PHF21A: variants seen among roughly 807,000 people sequenced by gnomAD.
The protein encoded by PHF21A is PHD finger protein 21A.
In PHF21A, 11 loss-of-function variants were observed where a neutral mutation model predicts 82.5. The observed-to-expected ratio is 0.13, with a 90% CI of 0.08 to 0.22. PHF21A has a LOEUF of 0.22. Ranked by LOEUF, PHF21A falls within the 10% of genes least tolerant of loss-of-function variation. PHF21A has a pLI of 1.00. For missense variants in PHF21A, 579 were observed against 837.8 expected, an observed-to-expected ratio of 0.69 and a Z score of 3.81; for synonymous variants, 297 against 302.8, an observed-to-expected ratio of 0.98 and a Z score of 0.20.
At chr11:46,010,517 G>A (rs965931080) in intron 6 of PHF21A, among the ~76,000 whole-genome samples, 2 of 152,122 alleles carry the variant, frequency 1.3e-5, no homozygotes, top group African/African-American at 4.8e-5. Flanking sequence ...TCTGCTTTAC[G>A]ACATTGTTTG....
chr11:45,996,595 T>C (rs2094917378), intron 6 of PHF21A, among the ~76,000 whole-genome samples: 1 of 152,214 alleles, frequency 6.6e-6, no homozygotes, highest in Non-Finnish European at 1.5e-5. Flanking sequence ...ACTCTCCATA[T>C]GCACAAAGGT....
Position 45,934,029 on chromosome 11 carries a change from G to A in PHF21A, c.1985C>T (p.Ala662Val), listed in dbSNP as rs1063810. ...GCAGCTCTGGGAGGAGGGGGAAGGG[G>A]CCGGCGTGGAGGTGGCGGCATTGGC... ...PPANAATSTP[A>V]PSPSSQSCTA... The change falls in exon 19 of 19, where the codon GCC becomes GTC. Residue 662 changes from alanine to valine, a missense_variant. Ala to Val is a moderately conservative substitution (Grantham distance 64). Transcript: ENST00000676320. The A allele has an allele frequency of 3.1e-6, 5 of 1,612,146 alleles. No homozygotes were observed. Among genetic ancestry groups the A allele is most frequent in the Non-Finnish European group, 1.7e-6 (2 of 1,179,022 alleles).
intron 6 of PHF21A, among the ~76,000 whole-genome samples, chr11:45,998,299 CT>C (rs1300827547): frequency 5.3e-5 from 8 of 152,182 alleles, no homozygotes; most frequent in Non-Finnish European, 1.0e-4. Context: ...AAGCACTGTG[CT>C]AATCACTCTC....
intron 6 of PHF21A, among the ~76,000 whole-genome samples, chr11:46,012,522 T>C (rs2095432477): frequency 6.6e-6 from 1 of 152,206 alleles, no homozygotes. Context: ...CTATTTGGTC[T>C]TACGCAAGTT....
intron 6 of PHF21A, among the ~76,000 whole-genome samples, chr11:46,048,389 C>T (rs2096288962): frequency 6.6e-6 from 1 of 152,070 alleles, no homozygotes; most frequent in African/African-American, 2.4e-5. Flanking sequence ...TATGGATATA[C>T]CACACTTTAT....
chr11:46,015,915 T>TATCTATCTATCC (rs1165924379), intron 6 of PHF21A, among the ~76,000 whole-genome samples: 2 of 152,070 alleles, frequency 1.3e-5, no homozygotes, highest in Non-Finnish European at 2.9e-5. Flanking sequence ...TCTATCTATC[T>TATCTATCTATCC]ATCTATCTAT....
At chr11:46,044,871 T>C (rs2138923646) in intron 6 of PHF21A, among the ~76,000 whole-genome samples, 1 of 152,318 alleles carries the variant, frequency 6.6e-6, no homozygotes, top group East Asian at 1.9e-4. Flanking sequence ...CAATATAAAT[T>C]CATTTTACCC....
At chr11:46,044,764 C>T (rs1203360555) in intron 6 of PHF21A, among the ~76,000 whole-genome samples, 2 of 152,190 alleles carry the variant, frequency 1.3e-5, no homozygotes, top group Admixed American at 1.3e-4. Context: ...TGACTTCCTT[C>T]TACAAGATAA....
At chr11:46,015,678 C>A (rs946790402) in intron 6 of PHF21A, among the ~76,000 whole-genome samples, 4 of 152,022 alleles carry the variant, frequency 2.6e-5, no homozygotes, top group African/African-American at 9.7e-5. Context: ...ACTTTTTAAG[C>A]ATTTTAATTA....
intron 1 of PHF21A, among the ~76,000 whole-genome samples, chr11:46,096,713 C>T (rs1322184859): frequency 6.6e-6 from 1 of 152,126 alleles, no homozygotes; most frequent in African/African-American, 2.4e-5. Flanking sequence ...TGGAACTCTT[C>T]CCCTTAGGTG....
At chr11:46,054,754 G>C (rs1478763469) in intron 6 of PHF21A, among the ~76,000 whole-genome samples, 2 of 152,150 alleles carry the variant, frequency 1.3e-5, no homozygotes, top group Non-Finnish European at 2.9e-5. Flanking sequence ...CATCACTGAG[G>C]CTGAGTGGAA....
intron 6 of PHF21A, among the ~76,000 whole-genome samples, chr11:45,992,664 A>C (rs1236816673): frequency 6.6e-6 from 1 of 152,256 alleles, no homozygotes; most frequent in African/African-American, 2.4e-5. Flanking sequence ...CTGGGATGTG[A>C]CTTTAGTGGG....
At chr11:45,981,295 A>G (rs1349119445) in intron 6 of PHF21A, among the ~76,000 whole-genome samples, 1 of 147,152 alleles carries the variant, frequency 6.8e-6, no homozygotes, top group African/African-American at 2.5e-5. Context: ...CTGAGGCAGG[A>G]GAATTGCTTG....
At chr11:45,940,656 A>ATT (rs1554978569) in intron 15 of PHF21A, among the ~76,000 whole-genome samples, 132,717 of 152,080 alleles carry the variant, frequency 0.87, 58,236 homozygotes, top group East Asian at 1. Context: ...TTCCTTCATT[A>ATT]TTAAAATCAG....
intron 6 of PHF21A, among the ~76,000 whole-genome samples, chr11:45,989,883 C>G (rs900836120): frequency 6.6e-6 from 1 of 151,548 alleles, no homozygotes; most frequent in Non-Finnish European, 1.5e-5. Flanking sequence ...CCGGCAGTAT[C>G]AGCTACTCAG....
intron 6 of PHF21A, among the ~76,000 whole-genome samples, chr11:46,037,451 G>C (rs1178696524): frequency 6.6e-6 from 1 of 152,100 alleles, no homozygotes; most frequent in African/African-American, 2.4e-5. Context: ...AGACCAGCCT[G>C]GTCAACATGG....
In PHF21A at chr11:45,933,680, A is replaced by G. The variant is rs980969143; in HGVS notation, c.*288T>C. On this transcript the variant is annotated 3_prime_UTR_variant, in exon 19 of 19. Coordinates refer to ENST00000676320, the MANE Select transcript of PHF21A (RefSeq NM_001352027.3). ...GGCTGCTGCAGGCACACACTGGTGT[A>G]TAATAGAGAGAGTAAATATATTATT... is the stretch of plus-strand genomic sequence containing the variant. 8 of 287,828 alleles carry G rather than the reference A, an allele frequency of 2.8e-5. No homozygotes were observed. The highest frequency in any genetic ancestry group is 5.1e-5 in the Non-Finnish European group (8 of 156,486). The allele number at this position is 287,828 out of a possible 1,614,324, so 17.8% of individuals were successfully genotyped here. A position where few individuals can be genotyped will look rare whatever the true frequency, so the allele number is the denominator to read the frequency against.
chr11:46,059,743 T>G (rs1054000761), intron 6 of PHF21A, among the ~76,000 whole-genome samples: 1 of 152,130 alleles, frequency 6.6e-6, no homozygotes, highest in Non-Finnish European at 1.5e-5. Flanking sequence ...ATTTATTTAT[T>G]TGAGACAGAG....
chr11:46,078,052 CA>C (rs2096748099), intron 5 of PHF21A, among the ~76,000 whole-genome samples: 1 of 152,062 alleles, frequency 6.6e-6, no homozygotes, highest in African/African-American at 2.4e-5. Flanking sequence ...GCTGGCCTTA[CA>C]AGGCACCCAT....
Sources: gnomAD v4.1 joint callset for allele counts (sites outside exome capture counted in the v4.1 genomes callset) on GRCh38, gnomAD v4.1.1 for gene constraint, MANE v1.5 for transcripts, NCBI Gene and HGNC (gene_info 2026-07-23, HGNC 2026-07-21) for gene names.